Variants in AHNAK2 observed in about 807,000 individuals in gnomAD.
AHNAK2 encodes the protein protein AHNAK2.
A neutral mutation model predicts 30.7 loss-of-function variants in AHNAK2; 18 were observed. That is an observed-to-expected ratio of 0.59 (90% CI 0.41 to 0.87). The LOEUF is 0.87. Ranked by LOEUF, AHNAK2 falls within the 40% of genes least tolerant of loss-of-function variation. The pLI is 0.00. For missense variants in AHNAK2, 8,604 were observed against 7,373.0 expected, an observed-to-expected ratio of 1.17 and a Z score of -6.11; for synonymous variants, 3,590 against 3,073.8, an observed-to-expected ratio of 1.17 and a Z score of -5.56.
intron 1 of AHNAK2, among the ~76,000 whole-genome samples, chr14:104,973,272 G>C (rs1899520487): frequency 6.6e-6 from 1 of 152,362 alleles, no homozygotes; most frequent in South Asian, 2.1e-4. Context: ...GGACCAGCTA[G>C]GAGTCGCCAT....
intron 1 of AHNAK2, among the ~76,000 whole-genome samples, chr14:104,968,953 C>T (rs575649705): frequency 1.3e-4 from 20 of 152,326 alleles, no homozygotes; most frequent in Non-Finnish European, 2.4e-4. Flanking sequence ...TGGTGCCCAC[C>T]CAGACACAGG....
chr14:104,962,843 ATCAC>A (rs1899186939), intron 1 of AHNAK2, among the ~76,000 whole-genome samples: 2 of 152,224 alleles, frequency 1.3e-5, no homozygotes, highest in African/African-American at 4.8e-5. Context: ...CTTCCATCCC[ATCAC>A]TCATGAAAAT....
chr14:104,956,452 C>T (rs1898977073), intron 4 of AHNAK2, 136 bp downstream of exon 4: 2 of 808,156 alleles, frequency 2.5e-6, no homozygotes, highest in Non-Finnish European at 4.0e-6. Flanking sequence ...GGGACAAGAA[C>T]ACCCCTCCTC....
In AHNAK2 at chr14:104,952,443, A is replaced by G; in HGVS notation, c.3008T>C (p.Phe1003Ser). The G allele has an allele frequency of 6.2e-7, 1 of 1,612,386 alleles. No individual in the cohort carries two copies. Reference sequence around the variant, plus strand: ...CGATACCCCGAACGACGGCATCTTGAACTTGGGCATTTTGAACTTGCTGTC... The same window carrying G: ...CGATACCCCGAACGACGGCATCTTGGACTTGGGCATTTTGAACTTGCTGTC... The part of the protein sequence containing the change: ...AKDSKFKMPK[F>S]KMPSFGVSAP... The change falls in exon 7 of 7, where the codon TTC becomes TCC. Residue 1003 changes from phenylalanine (F) to serine (S), a missense_variant. Transcript: ENST00000333244.
chr14:104,941,696 G>C lies in AHNAK2; in HGVS notation c.13755C>G (p.Pro4585=), dbSNP rs767952155. The C allele has an allele frequency of 6.2e-7, 1 of 1,613,296 alleles. No homozygotes were observed. The highest frequency in any genetic ancestry group is 8.5e-7 in the Non-Finnish European group (1 of 1,179,588). The change falls in exon 7 of 7, where the codon CCC becomes CCG. Residue 4585 remains proline, a synonymous_variant. Coordinates refer to ENST00000333244, the MANE Select transcript of AHNAK2 (RefSeq NM_138420.4). Reference sequence around the variant, plus strand: ...CGCTGGGCAGAGACACCTCCACATCGGGGGCCATCACCTCTGCCTTTGGGC... The same window carrying C: ...CGCTGGGCAGAGACACCTCCACATCCGGGGCCATCACCTCTGCCTTTGGGC... ...LKGPKAEVMA[P]DVEVSLPSVE... is the part of the protein sequence containing the mutation.
At position 104,944,802 on chromosome 14, in the gene AHNAK2, GC is replaced by G. The variant is rs1235132663; in HGVS notation, c.10648del (p.Ala3550ProfsTer15). ...ELLEGPVPEG[A>X]GLKGHLPKVE... Reference sequence around the variant, plus strand: ...TTTGGGCAGGTGCCCTTTGAGGCCGGCTCCCTCGGGCACGGGGCCCTCCAGG... The same window carrying G: ...TTTGGGCAGGTGCCCTTTGAGGCCGGTCCCTCGGGCACGGGGCCCTCCAGG... On this transcript the variant is annotated frameshift_variant, in exon 7 of 7. Coordinates refer to ENST00000333244, the MANE Select transcript of AHNAK2 (RefSeq NM_138420.4). LOFTEE classifies it low-confidence loss of function (END_TRUNC). 1 of 1,612,806 alleles carries G rather than the reference GC, an allele frequency of 6.2e-7. No homozygotes were observed. The highest frequency in any genetic ancestry group is 8.5e-7 in the Non-Finnish European group (1 of 1,179,582).
rs1172347757 is a variant in AHNAK2 at position 104,944,865 on chromosome 14, T to C, written c.10586A>G (p.Asp3529Gly). 1.9e-6 allele frequency: 3 copies of C among 1,612,698 alleles called. No homozygotes were observed. In the African/African-American group the frequency reaches 4.0e-5, roughly 22 times the overall value. ...CACTTGGACAGCCTGGACCTCCAGG[T>C]CAGCGGAAGGGGGCTGAATGCTGAG... ...TDLSIQPPSA[D>G]LEVQAVQVDV... The change falls in exon 7 of 7, where the codon GAC (aspartate) becomes GGC (glycine). Residue 3529 changes from aspartate (D) to glycine (G), a missense_variant. Coordinates refer to ENST00000333244, the MANE Select transcript of AHNAK2 (RefSeq NM_138420.4).
rs756709968 is a variant in AHNAK2 at position 104,939,711 on chromosome 14, G to A, written c.15740C>T (p.Ser5247Phe). The A allele has an allele frequency of 3.1e-6, 5 of 1,613,882 alleles. No individual in the cohort carries two copies. In the Admixed American group the frequency reaches 6.7e-5, roughly 22 times the overall value. The change falls in exon 7 of 7, where the codon TCC (serine) becomes TTC (phenylalanine). Residue 5247 changes from serine to phenylalanine, a missense_variant. Coordinates refer to ENST00000333244, the MANE Select transcript of AHNAK2 (RefSeq NM_138420.4). ...TGCATCTGCCTCTGGGAGCTGTAGG[G>A]ACATAGCTGCCTCCACGTTTGACCC... ...VSGSNVEAAM[S>F]LQLPEADAEV... is the part of the protein sequence containing the mutation.
chr14:104,974,203 G>C lies in AHNAK2; in HGVS notation c.55+3980C>G, dbSNP rs114611287. Among the ~76,000 whole-genome samples the C allele has an allele frequency of 4.7e-3, 719 of 152,360 alleles. 12 individuals are homozygous for C. The highest frequency in any genetic ancestry group is 0.016 in the African/African-American group (682 of 41,570). ...GTGGCTGGGGATCCCGTCACCCTTA[G>C]AGCGGGTGGAGGGGAGCAGAGGAGC... is the stretch of plus-strand genomic sequence containing the variant. On this transcript the variant is annotated intron_variant, in intron 1 of 6. Transcript: ENST00000333244.
chr14:104,941,361 G>C lies in AHNAK2; in HGVS notation c.14090C>G (p.Ser4697Trp). 6.2e-7 allele frequency: 1 copy of C among 1,613,410 alleles called. No homozygotes were observed. The highest frequency in any genetic ancestry group is 8.5e-7 in the Non-Finnish European group (1 of 1,179,896). ...TTTAAAATGCAGTTTCTTAAACTTC[G>C]AATCCATTCCAACTTCTCCAACAGC... Reference protein sequence around the residue: ...GLAVGEVGMDSKFKKLHFKVP... With the variant: ...GLAVGEVGMDWKFKKLHFKVP... The change falls in exon 7 of 7, where the codon TCG (serine) becomes TGG (tryptophan). Residue 4697 changes from serine to tryptophan, a missense_variant. By Grantham distance (177) the Ser-to-Trp change is radical. Transcript: ENST00000333244.
At position 104,954,894 on chromosome 14, in the gene AHNAK2, A is replaced by G; in HGVS notation, c.651+63T>C. ...TGGAGTGGGAGTGCTATCCCCTCCC[A>G]GGCTCAGCCAGCAGGGTAGTGAAGC... On this transcript the variant is annotated intron_variant, in intron 6 of 6. Coordinates refer to ENST00000333244, the MANE Select transcript of AHNAK2 (RefSeq NM_138420.4). The surrounding 1 kb of genome is among the most constrained non-coding windows in gnomAD (Gnocchi z 4.3). 2.6e-6 allele frequency: 4 copies of G among 1,547,240 alleles called. No homozygotes were observed. The highest frequency in any genetic ancestry group is 3.5e-6 in the Non-Finnish European group (4 of 1,147,040).
chr14:104,959,321 C>T (rs903286683), intron 1 of AHNAK2, among the ~76,000 whole-genome samples: 6 of 152,154 alleles, frequency 3.9e-5, no homozygotes, highest in Non-Finnish European at 8.8e-5. Context: ...TACAGACACG[C>T]GCTACCATGC....
In AHNAK2 at chr14:104,946,581, C is replaced by A. The variant is rs1415701529; in HGVS notation, c.8870G>T (p.Gly2957Val). The A allele has an allele frequency of 4.3e-6, 7 of 1,613,068 alleles. No homozygotes were observed. Among genetic ancestry groups the A allele is most frequent in the Non-Finnish European group, 5.9e-6 (7 of 1,179,732 alleles). The stretch of plus-strand genomic sequence containing the variant: ...GGACAGGTCACCCTCCAGCCGTGCA[C>A]CATCCAGCTTTGCTCTCGGGGCCTC... Reference protein sequence around the residue: ...DVEAPRAKLDGARLEGDLSLA... With the variant: ...DVEAPRAKLDVARLEGDLSLA... The change falls in exon 7 of 7, where the codon GGT becomes GTT. Residue 2957 changes from glycine (G) to valine (V), a missense_variant. By Grantham distance (109) the Gly-to-Val change is moderately radical. Transcript: ENST00000333244.
At position 104,950,091 on chromosome 14, in the gene AHNAK2, G is replaced by C. The variant is rs1483744188; in HGVS notation, c.5360C>G (p.Pro1787Arg). 4.4e-6 allele frequency: 7 copies of C among 1,587,072 alleles called. 1 individual carries two copies. The East Asian group carries it at 1.6e-4, about 36-fold the overall frequency. Residue 1787 changes from proline (P) to arginine (R), a missense_variant, in exon 7 of 7, where the codon CCC (proline) becomes CGC (arginine). Physicochemically the swap from Pro to Arg is moderately radical, Grantham distance 103 (BLOSUM62 -2). Transcript: ENST00000333244. ...VMAPDVEVSL[P>R]SVEVDVEAPG... ...AGCCTCGACGTCCACCTCCACGCTG[G>C]GCAGAGACACCTCCACGTCGGGGGC...
Position 104,947,081 on chromosome 14 carries a change from C to A in AHNAK2, c.8370G>T (p.Leu2790=). The change falls in exon 7 of 7, where the codon CTG becomes CTT. Residue 2790 remains leucine (L), a synonymous_variant. Transcript: ENST00000333244. ...GGTCCCCCTCCAGCCGCGCACCATCCAGCTTTGCTCTCGGGGCCTGGACGT... is the reference window on the plus strand; with the variant it reads ...GGTCCCCCTCCAGCCGCGCACCATCAAGCTTTGCTCTCGGGGCCTGGACGT... ...EVDVQAPRAK[L]DGARLEGDLS... The A allele has an allele frequency of 6.2e-7, 1 of 1,612,652 alleles. No homozygotes were observed. Among genetic ancestry groups the A allele is most frequent in the Non-Finnish European group, 8.5e-7 (1 of 1,179,634 alleles).
At chr14:104,977,848 G>A (rs1387110242) in intron 1 of AHNAK2, among the ~76,000 whole-genome samples, 2 of 152,328 alleles carry the variant, frequency 1.3e-5, no homozygotes, top group African/African-American at 2.4e-5. Context: ...AGCGGGGCAG[G>A]AGCGAGAAGG....
intron 1 of AHNAK2, among the ~76,000 whole-genome samples, chr14:104,967,885 C>T (rs925947984): frequency 3.9e-5 from 6 of 152,212 alleles, no homozygotes; most frequent in Non-Finnish European, 8.8e-5. Flanking sequence ...AGCACCGCCT[C>T]CCAGGCCCGA....
Position 104,945,011 on chromosome 14 carries a change from C to T in AHNAK2, c.10440G>A (p.Met3480Ile), listed in dbSNP as rs762958765. The change falls in exon 7 of 7, where the codon ATG becomes ATA. Residue 3480 changes from methionine to isoleucine, a missense_variant. Coordinates refer to ENST00000333244, the MANE Select transcript of AHNAK2 (RefSeq NM_138420.4). Reference sequence around the variant, plus strand: ...CTGGGGCCGACACCCCGAAGGAGGGCATCTTGAACTTGGGCATTTTGAACT... The same window carrying T: ...CTGGGGCCGACACCCCGAAGGAGGGTATCTTGAACTTGGGCATTTTGAACT... ...DSKFKMPKFK[M>I]PSFGVSAPGR... 1.2e-6 allele frequency: 2 copies of T among 1,603,370 alleles called. No individual in the cohort carries two copies. The highest frequency in any genetic ancestry group is 2.7e-5 in the African/African-American group (2 of 74,604).
Position 104,944,301 on chromosome 14 carries a change from A to G in AHNAK2, c.11150T>C (p.Leu3717Pro). 6.2e-7 allele frequency: 1 copy of G among 1,612,752 alleles called. No homozygotes were observed. Among genetic ancestry groups the G allele is most frequent in the Non-Finnish European group, 8.5e-7 (1 of 1,179,494 alleles). The change falls in exon 7 of 7, where the codon CTC becomes CCC. Residue 3717 changes from leucine to proline, a missense_variant. Leu to Pro is a moderately conservative substitution (Grantham distance 98). Transcript: ENST00000333244. ...PEGQVPEGAG[L>P]KEHLPKVEMP... ...CTCCACCTTGGGCAGGTGCTCTTTG[A>G]GGCCGGCTCCCTCGGGCACCTGGCC...
Sources: allele counts gnomAD v4.1 joint callset (sites outside exome capture counted in the v4.1 genomes callset), GRCh38; gene constraint gnomAD v4.1.1; non-coding constraint Gnocchi (gnomAD v3.1); transcripts MANE v1.5; gene names NCBI Gene and HGNC (gene_info 2026-07-23, HGNC 2026-07-21).